The following ADGRG6 variants were observed in gnomAD, a reference collection of about 807,000 sequenced individuals.
The protein encoded by ADGRG6 is adhesion G protein-coupled receptor G6.
A neutral mutation model predicts 142.4 loss-of-function variants in ADGRG6; 84 were observed. That is an observed-to-expected ratio of 0.59 (90% CI 0.49 to 0.71). The LOEUF is 0.71. ADGRG6 is among the 30% of genes least tolerant of loss of function. The pLI is 0.00. For missense variants in ADGRG6, 1,367 were observed against 1,466.6 expected (o/e 0.93, Z 1.11); for synonymous variants, 521 against 520.5 (o/e 1.00, Z -0.01).
chr6:142,440,296 A>T (rs1420840760), intron 24 of ADGRG6, among the ~76,000 whole-genome samples: 1 of 151,802 alleles, frequency 6.6e-6, no homozygotes, highest in African/African-American at 2.4e-5. Flanking sequence ...TATTTTATTT[A>T]TTTATTTATT....
intron 22 of ADGRG6, among the ~76,000 whole-genome samples, chr6:142,421,212 G>A (rs186501197): frequency 6.6e-6 from 1 of 152,282 alleles, no homozygotes; most frequent in African/African-American, 2.4e-5. Context: ...CATGGTAGGT[G>A]CTTAATGATT....
intron 2 of ADGRG6, among the ~76,000 whole-genome samples, chr6:142,341,580 A>ATATATAC (rs1290317068): frequency 5.7e-5 from 7 of 122,820 alleles, no homozygotes; most frequent in South Asian, 2.2e-4. Context: ...ATTATGTAGT[A>ATATATAC]TATATAATAT....
In ADGRG6 at chr6:142,399,182, T is replaced by C. The variant is rs538381210; in HGVS notation, c.1568-1303T>C. ...CCTTCTCTACACTCAGGAGGTTGAA[T>C]TGAGGGAGGCAAGTGTTCCTCAGCC... is the stretch of plus-strand genomic sequence containing the variant. On this transcript the variant is annotated intron_variant, in intron 10 of 24. Transcript: ENST00000367609. Among the ~76,000 whole-genome samples, 4 of 152,168 alleles carry C rather than the reference T, an allele frequency of 2.6e-5. 1 individual carries two copies. The South Asian group carries it at 8.3e-4, about 32-fold the overall frequency.
At chr6:142,397,269 A>C (rs1228980951) in intron 9 of ADGRG6, among the ~76,000 whole-genome samples, 1 of 152,092 alleles carries the variant, frequency 6.6e-6, no homozygotes, top group Non-Finnish European at 1.5e-5. Context: ...GGCCACAAAG[A>C]AAAAATGTAG....
chr6:142,386,681 T>A (rs1314647198), intron 6 of ADGRG6, among the ~76,000 whole-genome samples: 2 of 152,236 alleles, frequency 1.3e-5, no homozygotes, highest in Non-Finnish European at 2.9e-5. Flanking sequence ...TTATACTTTA[T>A]GAATTTTTGT....
At chr6:142,317,739 A>T (rs1339112488) in intron 2 of ADGRG6, among the ~76,000 whole-genome samples, 2 of 110,770 alleles carry the variant, frequency 1.8e-5, no homozygotes, top group Non-Finnish European at 3.4e-5. Flanking sequence ...ATATATATTT[A>T]TATAATATAT....
intron 14 of ADGRG6, among the ~76,000 whole-genome samples, chr6:142,404,806 C>A (rs928190005): frequency 6.6e-6 from 1 of 152,128 alleles, no homozygotes; most frequent in African/African-American, 2.4e-5. Flanking sequence ...AAGGATCATA[C>A]TTTGAGAACC....
intron 15 of ADGRG6, among the ~76,000 whole-genome samples, chr6:142,407,798 A>C (rs1415951991): frequency 1.3e-5 from 2 of 152,218 alleles, no homozygotes; most frequent in African/African-American, 4.8e-5. Flanking sequence ...TCTATCTTCT[A>C]AAGTAGGGAA....
chr6:142,388,021 A>C (rs553043154), intron 6 of ADGRG6, among the ~76,000 whole-genome samples: 49 of 152,306 alleles, frequency 3.2e-4, no homozygotes, highest in African/African-American at 1.2e-3. Flanking sequence ...TTTGTAAGAG[A>C]GGACAACTTT....
intron 2 of ADGRG6, among the ~76,000 whole-genome samples, chr6:142,352,215 C>T (rs914751379): frequency 3.3e-5 from 5 of 152,276 alleles, no homozygotes; most frequent in African/African-American, 4.8e-5. Flanking sequence ...GAGTCAACCA[C>T]GATGCCCATC....
At chr6:142,441,091 T>A (rs1777737832) in intron 24 of ADGRG6, 2 of 549,584 alleles carry the variant, frequency 3.6e-6, no homozygotes, top group South Asian at 5.3e-5. Context: ...CATTCCTGCA[T>A]TGAGCTGGAA....
chr6:142,399,621 A>G (rs1193176231), intron 10 of ADGRG6, among the ~76,000 whole-genome samples: 1 of 152,220 alleles, frequency 6.6e-6, no homozygotes, highest in Non-Finnish European at 1.5e-5. Context: ...AATTTAAATT[A>G]TCCGTTTTAT....
At chr6:142,422,523 C>T (rs1776712570) in intron 22 of ADGRG6, among the ~76,000 whole-genome samples, 1 of 152,176 alleles carries the variant, frequency 6.6e-6, no homozygotes, top group African/African-American at 2.4e-5. Flanking sequence ...CATAGTACTC[C>T]ATGGTGTATA....
intron 18 of ADGRG6, among the ~76,000 whole-genome samples, chr6:142,411,927 A>G (rs1776109881): frequency 6.6e-6 from 1 of 152,170 alleles, no homozygotes; most frequent in Non-Finnish European, 1.5e-5. Context: ...AGGACAGACT[A>G]GTGACTAGGG....
At chr6:142,347,277 C>A (rs1042122486) in intron 2 of ADGRG6, among the ~76,000 whole-genome samples, 19 of 152,234 alleles carry the variant, frequency 1.2e-4, no homozygotes, top group Admixed American at 3.9e-4. Flanking sequence ...TGTCTGCCAT[C>A]CACGTCAGTA....
chr6:142,432,438 T>C (rs891761347), intron 22 of ADGRG6, among the ~76,000 whole-genome samples: 2 of 152,158 alleles, frequency 1.3e-5, no homozygotes, highest in Non-Finnish European at 2.9e-5. Flanking sequence ...ATATTATAAA[T>C]ACAATACCTT....
At chr6:142,410,596 G>T (rs1303301166) in intron 17 of ADGRG6, among the ~76,000 whole-genome samples, 1 of 152,060 alleles carries the variant, frequency 6.6e-6, no homozygotes, top group African/African-American at 2.4e-5. Flanking sequence ...GTACTTTGCT[G>T]ATGAAAACAG....
At chr6:142,354,600 C>A (rs747364132) in intron 2 of ADGRG6, among the ~76,000 whole-genome samples, 1 of 152,096 alleles carries the variant, frequency 6.6e-6, no homozygotes, top group African/African-American at 2.4e-5. Context: ...CAAGGAAGTT[C>A]ATCTGCATTG....
intron 7 of ADGRG6, among the ~76,000 whole-genome samples, chr6:142,392,486 GA>G (rs1236947185): frequency 6.6e-6 from 1 of 151,668 alleles, no homozygotes; most frequent in Admixed American, 6.6e-5. Flanking sequence ...GTAATTACTA[GA>G]AAAATGTTTA....
Sources: gnomAD v4.1 joint callset for allele counts (sites outside exome capture counted in the v4.1 genomes callset) on GRCh38, gnomAD v4.1.1 for gene constraint, MANE v1.5 for transcripts, NCBI Gene and HGNC (gene_info 2026-07-23, HGNC 2026-07-21) for gene names.